The following LPA variants were observed in gnomAD, a reference collection of about 807,000 sequenced individuals.
The protein encoded by LPA is lipoprotein(a).
Under a neutral mutation model 197.9 loss-of-function variants are expected in LPA, and 199 were observed. The observed-to-expected ratio is 1.01, with a 90% CI of 0.90 to 1.13. The LOEUF (loss-of-function observed/expected upper bound fraction) is 1.13, where lower values mean the gene tolerates loss of function less well. LPA is among the 50% of genes most tolerant of loss of function. The pLI, the probability that LPA is intolerant of heterozygous loss-of-function variation, is 0.00. For synonymous variants in LPA, 715 were observed against 639.5 expected (o/e 1.12, Z -1.78); for missense variants, 1,853 against 1,785.8 (o/e 1.04, Z -0.68).
At chr6:160,562,921 T>C (rs1778387014) in intron 28 of LPA, among the ~76,000 whole-genome samples, 1 of 152,220 alleles carries the variant, frequency 6.6e-6, no homozygotes, top group Non-Finnish European at 1.5e-5. Context: ...ATATCCCCTT[T>C]ATTATTCTTT....
Position 160,660,639 on chromosome 6 carries a change from C to A in LPA, c.49+3527G>T, listed in dbSNP as rs141377189. Among the ~76,000 whole-genome samples the A allele has an allele frequency of 2.6e-5, 4 of 152,236 alleles. No individual in the cohort carries two copies. The East Asian group carries it at 7.7e-4, about 29-fold the overall frequency. ...ATATGTGCATTGGTTGTAACACTGT[C>A]ACTTTGACAGTTGATAAGCATCTTC... On this transcript the variant is annotated intron_variant, in intron 1 of 38. Coordinates refer to ENST00000316300, the MANE Select transcript of LPA (RefSeq NM_005577.4).
chr6:160,568,003 A>G (rs1778490371), intron 28 of LPA, among the ~76,000 whole-genome samples: 1 of 152,238 alleles, frequency 6.6e-6, no homozygotes, highest in Non-Finnish European at 1.5e-5. Flanking sequence ...GCAATAATTA[A>G]GAGCCTACCA....
chr6:160,575,848 G>A (rs965168543), intron 28 of LPA, among the ~76,000 whole-genome samples: 3 of 152,078 alleles, frequency 2.0e-5, no homozygotes, highest in African/African-American at 7.2e-5. Context: ...TTACACTGAG[G>A]TGACTTCTAG....
intron 20 of LPA, among the ~76,000 whole-genome samples, chr6:160,598,812 T>C (rs1377544851): frequency 6.6e-6 from 1 of 152,188 alleles, no homozygotes. Flanking sequence ...GATGTGCAAG[T>C]ATCAATTCCC....
chr6:160,663,254 T>C (rs1313768622), intron 1 of LPA, among the ~76,000 whole-genome samples: 2 of 152,322 alleles, frequency 1.3e-5, no homozygotes, highest in South Asian at 2.1e-4. Flanking sequence ...TTCAGTTACA[T>C]TGGAATGTGT....
rs768072721 is a variant in LPA, at chr6:160,547,924, C to T, written c.5169G>A (p.Gly1723=). ...GPPSEQDCMF[G]NGKGYRGKKA... ...TCTTGCCCCGGTATCCTTTCCCATT[C>T]CCAAACATACAGTCTGTAGAAAAAA... Residue 1723 remains glycine (G), a synonymous_variant, in exon 32 of 39, where the codon GGG becomes GGA. Coordinates refer to ENST00000316300, the MANE Select transcript of LPA (RefSeq NM_005577.4). 4 of 1,614,012 alleles carry T rather than the reference C, an allele frequency of 2.5e-6. No individual in the cohort carries two copies. In the South Asian group the frequency reaches 3.3e-5, roughly 13 times the overall value.
At chr6:160,604,317 T>C (rs951086846) in intron 18 of LPA, among the ~76,000 whole-genome samples, 3 of 152,132 alleles carry the variant, frequency 2.0e-5, no homozygotes, top group African/African-American at 7.2e-5. Context: ...GTTGATCTCA[T>C]TGTTCCCCCT....
At chr6:160,605,304 T>G in intron 17 of LPA, 99 bp from the exon 18 acceptor site, 1 of 1,370,994 alleles carries the variant, frequency 7.3e-7, no homozygotes, top group East Asian at 2.3e-5. Flanking sequence ...CTCTGAGAAT[T>G]ATGACCTCAG....
chr6:160,535,671 T>A (rs1349775306), intron 37 of LPA, among the ~76,000 whole-genome samples: 2 of 151,926 alleles, frequency 1.3e-5, no homozygotes, highest in African/African-American at 4.8e-5. Context: ...CCAGTAAGAA[T>A]GATGATAGTG....
intron 28 of LPA, among the ~76,000 whole-genome samples, chr6:160,559,702 T>A (rs1473759135): frequency 6.6e-6 from 1 of 152,252 alleles, no homozygotes; most frequent in East Asian, 1.9e-4. Context: ...TCCACCCATT[T>A]ACTTTAAGTT....
chr6:160,565,761 C>T (rs1370325547), intron 28 of LPA, among the ~76,000 whole-genome samples: 1 of 152,102 alleles, frequency 6.6e-6, no homozygotes, highest in Non-Finnish European at 1.5e-5. Flanking sequence ...GAACCCATTG[C>T]AAAGAAGCTA....
rs41272076 is a variant in LPA, at chr6:160,589,129, G to A, written c.3947+424C>T. On this transcript the variant is annotated intron_variant, in intron 24 of 38. Coordinates refer to ENST00000316300, the MANE Select transcript of LPA (RefSeq NM_005577.4). The stretch of plus-strand genomic sequence containing the variant: ...GAGGAGAAAGTGATCGGAAGATCTC[G>A]AAGTCAATATAGATATCCTTCACTT... 7.0e-3 allele frequency among the ~76,000 whole-genome samples: 1,068 copies of A among 152,280 alleles called. 12 individuals carry two copies. Among genetic ancestry groups the A allele is most frequent in the African/African-American group, 0.024 (1,006 of 41,558 alleles).
chr6:160,576,394 A>ATATG (rs1778672679), intron 28 of LPA, among the ~76,000 whole-genome samples: 2 of 53,752 alleles, frequency 3.7e-5, no homozygotes, highest in Non-Finnish European at 9.3e-5. Flanking sequence ...ATATATGTAT[A>ATATG]TATATATATA....
At chr6:160,610,412 C>A (rs1582884708) in intron 16 of LPA, among the ~76,000 whole-genome samples, 2 of 152,270 alleles carry the variant, frequency 1.3e-5, no homozygotes, top group African/African-American at 4.8e-5. Context: ...GGGGTCTCCA[C>A]TGAATTGGCA....
intron 33 of LPA, among the ~76,000 whole-genome samples, chr6:160,544,433 T>C (rs1473614000): frequency 6.6e-6 from 1 of 152,176 alleles, no homozygotes; most frequent in Admixed American, 6.5e-5. Flanking sequence ...TGCCACATTA[T>C]AATAATATTG....
chr6:160,566,242 A>G (rs1238528468), intron 28 of LPA, among the ~76,000 whole-genome samples: 1 of 152,120 alleles, frequency 6.6e-6, no homozygotes, highest in Non-Finnish European at 1.5e-5. Context: ...GATTCACCAG[A>G]AAGGTCGGGT....
chr6:160,540,225 C>A, intron 35 of LPA, 42 bp from the exon 36 acceptor site: 1 of 1,613,308 alleles, frequency 6.2e-7, no homozygotes, highest in East Asian at 2.2e-5. Context: ...ATGGTCCAGC[C>A]CCTTCAGGTA....
intron 28 of LPA, among the ~76,000 whole-genome samples, chr6:160,561,465 G>A (rs1778360672): frequency 6.6e-6 from 1 of 152,166 alleles, no homozygotes; most frequent in Admixed American, 6.5e-5. Flanking sequence ...TGCTGTTTTT[G>A]TTACTGTAGC....
chr6:160,649,352 C>G (rs1399116959), intron 2 of LPA, among the ~76,000 whole-genome samples: 1 of 152,168 alleles, frequency 6.6e-6, no homozygotes, highest in African/African-American at 2.4e-5. Context: ...TCTTGTGGAT[C>G]TATTTTCTGT....
Sources: gnomAD v4.1 joint callset for allele counts (sites outside exome capture counted in the v4.1 genomes callset) on GRCh38, gnomAD v4.1.1 for gene constraint, MANE v1.5 for transcripts, NCBI Gene and HGNC (gene_info 2026-07-23, HGNC 2026-07-21) for gene names.